Variants in FBN1 observed in about 807,000 individuals in gnomAD.
FBN1 encodes the protein fibrillin 1, also known as fibrillin-1.
Under a neutral mutation model 365.1 loss-of-function variants are expected in FBN1, and 29 were observed. That is an observed-to-expected ratio of 0.08 (90% CI 0.06 to 0.11). The LOEUF (loss-of-function observed/expected upper bound fraction) is 0.11. FBN1 is among the 10% of genes least tolerant of loss of function. The pLI is 1.00. For synonymous variants in FBN1, 1,210 were observed against 1,270.5 expected (o/e 0.95, Z 1.01); for missense variants, 2,476 against 3,703.2 (o/e 0.67, Z 8.60).
rs574979501 is a variant in FBN1, at chr15:48,606,551, G to C, written c.346+4177C>G. Reference sequence around the variant, plus strand: ...GAAATGAAAAAATTATAGAAATGTAGAACAGATTAGTGGTTGTCAGAATTA... The same window carrying C: ...GAAATGAAAAAATTATAGAAATGTACAACAGATTAGTGGTTGTCAGAATTA... On this transcript the variant is annotated intron_variant, in intron 4 of 65. Transcript: ENST00000316623. Among the ~76,000 whole-genome samples, 19 of 152,286 alleles carry C rather than the reference G, an allele frequency of 1.2e-4. 3 individuals carry two copies. In the South Asian group the frequency reaches 3.9e-3, roughly 32 times the overall value.
At chr15:48,645,247 G>A (rs1328313924) in intron 1 of FBN1, among the ~76,000 whole-genome samples, 2 of 152,102 alleles carry the variant, frequency 1.3e-5, no homozygotes, top group African/African-American at 2.4e-5. Flanking sequence ...TTTTTTTAGC[G>A]GCACGAATTG....
chr15:48,455,191 G>A (rs1467600707), intron 44 of FBN1, among the ~76,000 whole-genome samples: 1 of 152,220 alleles, frequency 6.6e-6, no homozygotes, highest in Non-Finnish European at 1.5e-5. Flanking sequence ...GATATTCTGT[G>A]AAATGGAAAT....
intron 13 of FBN1, 109 bp downstream of exon 13, chr15:48,513,440 G>T: frequency 6.7e-7 from 1 of 1,493,702 alleles, no homozygotes; most frequent in Non-Finnish European, 9.3e-7. Context: ...CCACGGGACT[G>T]TATTAGTCTC....
chr15:48,548,707 G>A (rs2044116955), intron 6 of FBN1, among the ~76,000 whole-genome samples: 1 of 152,094 alleles, frequency 6.6e-6, no homozygotes, highest in Admixed American at 6.5e-5. Context: ...AGTGTATATG[G>A]TTAGAAAATA....
At chr15:48,587,408 A>G (rs1345488829) in intron 6 of FBN1, among the ~76,000 whole-genome samples, 3 of 152,234 alleles carry the variant, frequency 2.0e-5, no homozygotes, top group African/African-American at 7.2e-5. Context: ...GAAATTGTAC[A>G]GAAGCACAGT....
At chr15:48,633,538 C>A (rs1369310601) in intron 2 of FBN1, among the ~76,000 whole-genome samples, 2 of 152,110 alleles carry the variant, frequency 1.3e-5, no homozygotes, top group African/African-American at 4.8e-5. Context: ...CTGACTGATA[C>A]CCTCATTGAC....
At position 48,444,468 on chromosome 15, in the gene FBN1, C is replaced by T. The variant is rs192573261; in HGVS notation, c.6037+73G>A. 1.9e-5 allele frequency: 30 copies of T among 1,580,074 alleles called. No homozygotes were observed. In the African/African-American group the frequency reaches 3.9e-4, roughly 21 times the overall value. On this transcript the variant is annotated intron_variant, in intron 49 of 65. Transcript: ENST00000316623. Reference sequence around the variant, plus strand: ...GTATTCCAAAATGAAGACGTCATTACAAAAATTCTCATTCTGCTAAGTCCA... The same window carrying T: ...GTATTCCAAAATGAAGACGTCATTATAAAAATTCTCATTCTGCTAAGTCCA...
intron 6 of FBN1, among the ~76,000 whole-genome samples, chr15:48,566,259 G>C (rs769382124): frequency 4.6e-5 from 7 of 152,184 alleles, no homozygotes; most frequent in Non-Finnish European, 7.4e-5. Flanking sequence ...AGGGGAAAAA[G>C]TTTCAAGTAT....
intron 53 of FBN1, among the ~76,000 whole-genome samples, chr15:48,435,780 G>GTA (rs1382120396): frequency 1.3e-5 from 1 of 77,404 alleles, no homozygotes; most frequent in Non-Finnish European, 3.9e-5. Context: ...ATATGTGTGT[G>GTA]TGTGTGTGTG....
intron 55 of FBN1, 122 bp downstream of exon 55, chr15:48,432,744 A>G: frequency 7.6e-6 from 10 of 1,307,502 alleles, no homozygotes; most frequent in Admixed American, 3.4e-5. Flanking sequence ...CAACCCCCGT[A>G]TTGTCCACGG....
chr15:48,509,567 AAT>A (rs1258728546), intron 14 of FBN1, among the ~76,000 whole-genome samples: 2 of 148,450 alleles, frequency 1.3e-5, no homozygotes, highest in Admixed American at 6.8e-5. Context: ...ATATATACAT[AAT>A]ATATATACAC....
chr15:48,552,665 C>T (rs1344183305), intron 6 of FBN1, among the ~76,000 whole-genome samples: 1 of 152,148 alleles, frequency 6.6e-6, no homozygotes, highest in East Asian at 1.9e-4. Flanking sequence ...TTGTTTAAGT[C>T]ACTGTGGTTG....
At chr15:48,555,580 TG>T (rs1016415195) in intron 6 of FBN1, among the ~76,000 whole-genome samples, 1 of 152,194 alleles carries the variant, frequency 6.6e-6, no homozygotes, top group Non-Finnish European at 1.5e-5. Flanking sequence ...TCATACCATT[TG>T]GCCATGGTCC....
At chr15:48,641,901 TTGGGG>T in intron 2 of FBN1, 1 of 152,252 alleles carries the variant, frequency 6.6e-6, no homozygotes, top group Middle Eastern at 3.4e-3. Flanking sequence ...AACATAAGAA[TTGGGG>T]TTTGCTTAAA....
chr15:48,476,322 T>G (rs190359020), intron 32 of FBN1, among the ~76,000 whole-genome samples: 1 of 152,344 alleles, frequency 6.6e-6, no homozygotes, highest in Non-Finnish European at 1.5e-5. Context: ...CTCTCCTATA[T>G]TTGTCATGAT....
chr15:48,631,127 T>A (rs1426924253), intron 2 of FBN1, among the ~76,000 whole-genome samples: 2 of 152,030 alleles, frequency 1.3e-5, no homozygotes, highest in African/African-American at 4.8e-5. Flanking sequence ...GTTTAAGACC[T>A]CTCCGAAAGT....
intron 43 of FBN1, among the ~76,000 whole-genome samples, chr15:48,458,769 C>T (rs892502008): frequency 1.3e-5 from 2 of 152,134 alleles, no homozygotes; most frequent in African/African-American, 4.8e-5. Flanking sequence ...GATAAACATG[C>T]TATAGTTTTA....
intron 6 of FBN1, among the ~76,000 whole-genome samples, chr15:48,559,517 A>T (rs762256877): frequency 1.3e-5 from 2 of 152,184 alleles, no homozygotes; most frequent in Non-Finnish European, 2.9e-5. Context: ...CAGGGTCCGG[A>T]GCAAAGCACA....
chr15:48,437,097 A>T lies in FBN1; in HGVS notation c.6380-20T>A. The T allele has an allele frequency of 6.7e-7, 1 of 1,502,200 alleles. No individual in the cohort carries two copies. The highest frequency in any genetic ancestry group is 9.3e-7 in the Non-Finnish European group (1 of 1,078,232). The allele number at this position is 1,502,200 out of a possible 1,614,324, so 93.1% of individuals were successfully genotyped here. ...CCATATCTTAAGCAAGAGAAAAAAAATAGTGAATAACAAGGTATTTTTTAA... is the reference window on the plus strand; with the variant it reads ...CCATATCTTAAGCAAGAGAAAAAAATTAGTGAATAACAAGGTATTTTTTAA... On this transcript the variant is annotated intron_variant, in intron 52 of 65. Transcript: ENST00000316623.
Sources: gnomAD v4.1 joint callset for allele counts (sites outside exome capture counted in the v4.1 genomes callset) on GRCh38, gnomAD v4.1.1 for gene constraint, MANE v1.5 for transcripts, NCBI Gene and HGNC (gene_info 2026-07-23, HGNC 2026-07-21) for gene names.